PRKCQ: variants seen among roughly 807,000 people sequenced by gnomAD.
The protein encoded by PRKCQ is protein kinase C theta.
PRKCQ carries 41 observed loss-of-function variants against 91.2 expected under a neutral mutation model. That is an observed-to-expected ratio of 0.45 (90% confidence interval 0.35 to 0.58). The LOEUF (loss-of-function observed/expected upper bound fraction) is 0.58, where lower values mean the gene tolerates loss of function less well. PRKCQ is among the 20% of genes least tolerant of loss of function. PRKCQ has a pLI of 0.00. For synonymous variants in PRKCQ, 307 were observed against 316.9 expected (o/e 0.97, Z 0.33); for missense variants, 673 against 896.5 (o/e 0.75, Z 3.18).
intron 1 of PRKCQ, among the ~76,000 whole-genome samples, chr10:6,537,673 G>T (rs1839634051): frequency 6.6e-6 from 1 of 152,184 alleles, no homozygotes; most frequent in Admixed American, 6.5e-5. Context: ...GAGACCTTTG[G>T]CTCCCACTGA....
intron 1 of PRKCQ, among the ~76,000 whole-genome samples, chr10:6,575,686 T>C (rs1841203221): frequency 6.6e-6 from 1 of 152,206 alleles, no homozygotes; most frequent in Non-Finnish European, 1.5e-5. Flanking sequence ...GGGCATTCAA[T>C]GATTGGGTAA....
intron 1 of PRKCQ, among the ~76,000 whole-genome samples, chr10:6,564,003 G>A (rs1047972173): frequency 2.6e-5 from 4 of 152,180 alleles, no homozygotes; most frequent in Non-Finnish European, 5.9e-5. Flanking sequence ...GTGAGCGTGA[G>A]GAAGTGCACT....
At chr10:6,418,478 C>T in the PRKCQ span, among the ~76,000 whole-genome samples, 5 of 148,668 alleles carry the variant, frequency 3.4e-5, no homozygotes, top group South Asian at 4.4e-4. Context: ...GCTTTCTCCC[C>T]CTCTCATGTG....
the PRKCQ span, among the ~76,000 whole-genome samples, chr10:6,405,301 T>G: frequency 6.6e-6 from 1 of 152,196 alleles, no homozygotes. Context: ...TTTTTCATAG[T>G]GAGAGCTTCA....
At chr10:6,416,273 C>T in the PRKCQ span, among the ~76,000 whole-genome samples, 3 of 151,738 alleles carry the variant, frequency 2.0e-5, no homozygotes, top group Admixed American at 6.6e-5. Flanking sequence ...TACATGGATA[C>T]GTTCTTTAGC....
chr10:6,556,255 C>T (rs1328239752), intron 1 of PRKCQ, among the ~76,000 whole-genome samples: 1 of 151,912 alleles, frequency 6.6e-6, no homozygotes, highest in African/African-American at 2.4e-5. Context: ...CATAGCAAAA[C>T]TCACATCTCT....
chr10:6,511,838 G>C (rs1261081032), intron 2 of PRKCQ, among the ~76,000 whole-genome samples: 1 of 152,144 alleles, frequency 6.6e-6, no homozygotes, highest in Admixed American at 6.5e-5. Flanking sequence ...CAAGCTTTAA[G>C]ATCAGAAGGG....
chr10:6,567,274 T>C (rs1045331116), intron 1 of PRKCQ, among the ~76,000 whole-genome samples: 2 of 152,160 alleles, frequency 1.3e-5, no homozygotes, highest in Non-Finnish European at 2.9e-5. Context: ...TAGGGGCAAA[T>C]AGTGTTTCAT....
chr10:6,557,563 CT>C (rs34515782), intron 1 of PRKCQ, among the ~76,000 whole-genome samples: 1 of 151,872 alleles, frequency 6.6e-6, no homozygotes, highest in African/African-American at 2.4e-5. Flanking sequence ...TTTCCTCCCC[CT>C]TTTTTTTAAA....
At chr10:6,494,975 C>T (rs1837512628) in intron 7 of PRKCQ, among the ~76,000 whole-genome samples, 1 of 152,210 alleles carries the variant, frequency 6.6e-6, no homozygotes, top group South Asian at 2.1e-4. Context: ...TTATCTACCA[C>T]ACTGCTCGGC....
At chr10:6,559,142 G>A (rs1484109056) in intron 1 of PRKCQ, among the ~76,000 whole-genome samples, 2 of 152,156 alleles carry the variant, frequency 1.3e-5, no homozygotes, top group Non-Finnish European at 2.9e-5. Context: ...TCCTCATTAG[G>A]AACATAAATG....
At chr10:6,511,265 A>G (rs1588360390) in intron 2 of PRKCQ, 71 bp from the exon 3 acceptor site, 1 of 1,383,606 alleles carries the variant, frequency 7.2e-7, no homozygotes, top group East Asian at 2.3e-5. Flanking sequence ...TCAACTCAAC[A>G]GTAGCACCTG....
the PRKCQ span, among the ~76,000 whole-genome samples, chr10:6,394,876 C>A: frequency 1.3e-5 from 2 of 150,438 alleles, no homozygotes; most frequent in Non-Finnish European, 2.9e-5. Context: ...CACTCCTTCT[C>A]TTCATGACTC....
At chr10:6,510,241 A>G (rs1487106731) in intron 3 of PRKCQ, among the ~76,000 whole-genome samples, 1 of 152,194 alleles carries the variant, frequency 6.6e-6, no homozygotes, top group Non-Finnish European at 1.5e-5. Flanking sequence ...GAATTTTTTT[A>G]ACGCTTTGAT....
rs534884728 is a variant in PRKCQ at position 6,486,975 on chromosome 10, T to A, written c.791-831A>T. On this transcript the variant is annotated intron_variant, in intron 8 of 17. Coordinates refer to ENST00000263125, the MANE Select transcript of PRKCQ (RefSeq NM_006257.5). The stretch of plus-strand genomic sequence containing the variant: ...ACACCTAGCAAGACTGGACCAGGCA[T>A]GAGGACCTCAGCTTTGAAAAAAAAA... 3.9e-5 allele frequency among the ~76,000 whole-genome samples: 6 copies of A among 152,194 alleles called. No individual in the cohort carries two copies. The East Asian group carries it at 5.8e-4, about 15-fold the overall frequency.
At chr10:6,519,872 C>T (rs1003792785) in intron 1 of PRKCQ, among the ~76,000 whole-genome samples, 6 of 152,110 alleles carry the variant, frequency 3.9e-5, no homozygotes, top group African/African-American at 1.2e-4. Flanking sequence ...AATATGGAAC[C>T]TGGGAGGCAT....
intron 4 of PRKCQ, among the ~76,000 whole-genome samples, chr10:6,505,161 G>C (rs887732220): frequency 6.6e-6 from 1 of 152,132 alleles, no homozygotes; most frequent in Non-Finnish European, 1.5e-5. Flanking sequence ...CAAAGTGCTG[G>C]GATTACAGGC....
chr10:6,400,362 C>G, the PRKCQ span, among the ~76,000 whole-genome samples: 1 of 152,222 alleles, frequency 6.6e-6, no homozygotes, highest in Non-Finnish European at 1.5e-5. Context: ...TTCTGGAAGA[C>G]TTGGAAGACA....
chr10:6,539,533 C>A (rs1272847731), intron 1 of PRKCQ, among the ~76,000 whole-genome samples: 1 of 151,952 alleles, frequency 6.6e-6, no homozygotes, highest in Non-Finnish European at 1.5e-5. Context: ...CAGATGGGAC[C>A]ATCTAGTTGC....
Sources: gnomAD v4.1 joint callset for allele counts (sites outside exome capture counted in the v4.1 genomes callset) on GRCh38, gnomAD v4.1.1 for gene constraint, MANE v1.5 for transcripts, NCBI Gene and HGNC (gene_info 2026-07-23, HGNC 2026-07-21) for gene names.